The following CR1 variants were observed in gnomAD, a reference collection of about 807,000 sequenced individuals.
The protein encoded by CR1 is complement receptor type 1.
A neutral mutation model predicts 187.3 loss-of-function variants in CR1; 116 were observed. The observed-to-expected ratio is 0.62, with a 90% confidence interval of 0.53 to 0.72. The LOEUF (loss-of-function observed/expected upper bound fraction) is 0.72. Ranked by LOEUF, CR1 falls within the 30% of genes least tolerant of loss-of-function variation. The pLI, the probability that CR1 is intolerant of heterozygous loss-of-function variation, is 0.00. For synonymous variants in CR1, 576 were observed against 747.1 expected, an observed-to-expected ratio of 0.77 and a Z score of 3.73; for missense variants, 1,731 against 2,110.7, an observed-to-expected ratio of 0.82 and a Z score of 3.52.
At chr1:207,588,823 C>A in intron 35 of CR1, 49 bp downstream of exon 35, 3 of 1,318,784 alleles carry the variant, frequency 2.3e-6, no homozygotes, top group Non-Finnish European at 3.2e-6. Context: ...AACAGCAGAG[C>A]CAACTTCTGA....
chr1:207,581,205 G>A lies in CR1; in HGVS notation c.5216+592G>A, dbSNP rs35939676. 2.5e-3 allele frequency among the ~76,000 whole-genome samples: 348 copies of A among 139,046 alleles called. 6 individuals carry two copies. Among genetic ancestry groups the A allele is most frequent in the Middle Eastern group, 7.6e-3 (2 of 264 alleles). The allele number at this position is 139,046 out of a possible 152,430, so 91.2% of individuals were successfully genotyped here. A position where few individuals can be genotyped will look rare whatever the true frequency, so the allele number is the denominator to read the frequency against. On this transcript the variant is annotated intron_variant, in intron 31 of 46. Transcript: ENST00000367049. Reference sequence around the variant, plus strand: ...GTGTATACATGGACACGTATATGTAGACGTATACATATGGACACGTATATG... The same window carrying A: ...GTGTATACATGGACACGTATATGTAAACGTATACATATGGACACGTATATG...
At chr1:207,639,047 G>T (rs1343779228) in intron 46 of CR1, among the ~76,000 whole-genome samples, 1 of 152,246 alleles carries the variant, frequency 6.6e-6, no homozygotes, top group Non-Finnish European at 1.5e-5. Flanking sequence ...GAATGCCCCA[G>T]TTTGTTGCGG....
chr1:207,565,774 G>A, intron 23 of CR1, 64 bp from the exon 24 acceptor site: 1 of 1,603,148 alleles, frequency 6.2e-7, no homozygotes, highest in Non-Finnish European at 8.5e-7. Flanking sequence ...CTGGGCCTTA[G>A]ATTGTGAACT....
At chr1:207,599,382 C>A (rs1406089392) in intron 35 of CR1, among the ~76,000 whole-genome samples, 1 of 152,002 alleles carries the variant, frequency 6.6e-6, no homozygotes, top group Non-Finnish European at 1.5e-5. Flanking sequence ...GGAAAAGGAG[C>A]CCTCTCATAG....
chr1:207,568,038 T>C lies in CR1; in HGVS notation c.4167T>C (p.Ile1389=), dbSNP rs201787190. Residue 1389 remains isoleucine, a synonymous_variant, in exon 25 of 47, where the codon ATT becomes ATC. Transcript: ENST00000367049. ...GCAGCCCTGCCCCTCGCTGTGGAAT[T>C]CTGGGTTAGTGCTCATTTCCCCACA... is the stretch of plus-strand genomic sequence containing the variant. ...VWSSPAPRCG[I]LGHCQAPDHF... is the part of the protein sequence containing the mutation. 43 of 1,610,610 alleles carry C rather than the reference T, an allele frequency of 2.7e-5. No homozygotes were observed. Among genetic ancestry groups the C allele is most frequent in the Middle Eastern group, 1.6e-4 (1 of 6,074 alleles).
chr1:207,614,566 C>A, intron 40 of CR1, 77 bp downstream of exon 40: 1 of 1,141,898 alleles, frequency 8.8e-7, no homozygotes, highest in Non-Finnish European at 1.3e-6. Flanking sequence ...CATGGCATCA[C>A]CTGTTGTCTA....
chr1:207,599,872 T>A (rs1661553779), intron 35 of CR1, among the ~76,000 whole-genome samples: 1 of 152,050 alleles, frequency 6.6e-6, no homozygotes, highest in African/African-American at 2.4e-5. Context: ...GTATACTAAG[T>A]GAATATATAG....
intron 45 of CR1, among the ~76,000 whole-genome samples, chr1:207,624,173 G>A (rs1461846081): frequency 4.6e-5 from 7 of 151,778 alleles, no homozygotes; most frequent in African/African-American, 9.7e-5. Context: ...TGATCCACCC[G>A]CCTCAGCCTC....
intron 46 of CR1, among the ~76,000 whole-genome samples, chr1:207,636,165 TAAC>T (rs1464182941): frequency 6.6e-6 from 1 of 152,054 alleles, no homozygotes; most frequent in African/African-American, 2.4e-5. Flanking sequence ...ACCTGCAGAC[TAAC>T]AACAGACAAA....
chr1:207,575,898 T>C (rs1660730154), intron 28 of CR1, among the ~76,000 whole-genome samples: 1 of 152,198 alleles, frequency 6.6e-6, no homozygotes, highest in Non-Finnish European at 1.5e-5. Flanking sequence ...TATTTTAAAC[T>C]AGTCTTTAGC....
intron 27 of CR1, among the ~76,000 whole-genome samples, chr1:207,573,047 A>G (rs961017587): frequency 2.6e-5 from 4 of 152,154 alleles, no homozygotes; most frequent in African/African-American, 9.7e-5. Flanking sequence ...ATAAGATCAC[A>G]TCCACAGGGA....
chr1:207,638,565 C>G (rs1017412137), intron 46 of CR1, among the ~76,000 whole-genome samples: 1 of 152,214 alleles, frequency 6.6e-6, no homozygotes, highest in African/African-American at 2.4e-5. Flanking sequence ...TGAGACCCGA[C>G]TTGCCCAATA....
intron 36 of CR1, among the ~76,000 whole-genome samples, chr1:207,607,994 G>A (rs1180326712): frequency 6.6e-6 from 1 of 152,146 alleles, no homozygotes; most frequent in Non-Finnish European, 1.5e-5. Flanking sequence ...CTTCCAGAAA[G>A]CTAATGACCA....
Position 207,520,982 on chromosome 1 carries a change from T to G in CR1, c.488-2629T>G, listed in dbSNP as rs554420199. Among the ~76,000 whole-genome samples the G allele has an allele frequency of 1.9e-4, 28 of 143,962 alleles. No individual in the cohort carries two copies. The East Asian group carries it at 2.0e-3, about 10-fold the overall frequency. 94.4% of individuals were successfully genotyped at this position (143,962 alleles called of 152,430 possible). ...TTTTTTTGGTTGTTTTTTTTTTTTT[T>G]TTTTTTTTTTTGACAGAATTTCACT... On this transcript the variant is annotated intron_variant, in intron 4 of 46. Coordinates refer to ENST00000367049, the MANE Select transcript of CR1 (RefSeq NM_000651.6).
At position 207,640,329 on chromosome 1, in the gene CR1, G is replaced by C. The variant is rs1372211623; in HGVS notation, c.*920G>C. On this transcript the variant is annotated 3_prime_UTR_variant, in exon 47 of 47. Transcript: ENST00000367049. ...TTTTTGTATTTTTAGTAGAGACGGG[G>C]TTTCACCATGTTAGCCAGGATGGTC... is the stretch of plus-strand genomic sequence containing the variant. 2 of 152,118 alleles carry C rather than the reference G, an allele frequency of 1.3e-5. No individual in the cohort carries two copies. The highest frequency in any genetic ancestry group is 2.9e-5 in the Non-Finnish European group (2 of 68,064). The allele number at this position is 152,118 out of a possible 1,614,324, so 9.4% of individuals were successfully genotyped here.
chr1:207,601,934 A>C (rs573695346), intron 35 of CR1, among the ~76,000 whole-genome samples: 1 of 152,062 alleles, frequency 6.6e-6, no homozygotes, highest in Non-Finnish European at 1.5e-5. Context: ...TCCTCACTAC[A>C]TGGGCTTCTC....
rs1553291419 is a variant in CR1, at chr1:207,556,648, C to CATATATATGT, written c.3102-1882_3102-1881insGTATATATAT. On this transcript the variant is annotated intron_variant, in intron 19 of 46. Transcript: ENST00000367049. ...TTCATTTCATACATGTGATCTATAT[C>CATATATATGT]ATATATATATATATATATATATATA... Among the ~76,000 whole-genome samples the CATATATATGT allele has an allele frequency of 6.2e-3, 238 of 38,160 alleles. 3 individuals carry two copies. Among genetic ancestry groups the CATATATATGT allele is most frequent in the African/African-American group, 0.016 (223 of 13,532 alleles). 25.0% of individuals were successfully genotyped at this position (38,160 alleles called of 152,430 possible).
intron 35 of CR1, among the ~76,000 whole-genome samples, chr1:207,599,621 G>A (rs1661546767): frequency 1.3e-5 from 2 of 152,302 alleles, no homozygotes; most frequent in African/African-American, 4.8e-5. Flanking sequence ...CGTCTACTAT[G>A]AACTATTTTG....
In CR1 at chr1:207,505,975, A is replaced by T. The variant is rs1659417453; in HGVS notation, c.193A>T (p.Ile65Phe). Residue 65 changes from isoleucine (I) to phenylalanine (F), a missense_variant, in exon 2 of 47, where the codon ATT becomes TTT. Coordinates refer to ENST00000367049, the MANE Select transcript of CR1 (RefSeq NM_000651.6). ...TNLTDEFEFPIGTYLNYECRP... is the reference protein window; with the variant it reads ...TNLTDEFEFPFGTYLNYECRP... ...CCTAACTGATGAATTTGAGTTTCCC[A>T]TTGGGACATATCTGAACTATGAATG... 6.2e-7 allele frequency: 1 copy of T among 1,613,810 alleles called. No homozygotes were observed. The highest frequency in any genetic ancestry group is 1.3e-5 in the African/African-American group (1 of 74,900).
Sources: allele counts gnomAD v4.1 joint callset (sites outside exome capture counted in the v4.1 genomes callset), GRCh38; gene constraint gnomAD v4.1.1; transcripts MANE v1.5; gene names NCBI Gene and HGNC (gene_info 2026-07-23, HGNC 2026-07-21).